Variants in CADPS observed in about 807,000 individuals in gnomAD.
CADPS encodes calcium dependent secretion activator, also known as calcium-dependent secretion activator 1.
In CADPS, 57 loss-of-function variants were observed where a neutral mutation model predicts 167.3. That is an observed-to-expected ratio of 0.34 (90% confidence interval 0.28 to 0.42). The LOEUF (loss-of-function observed/expected upper bound fraction) is 0.42, where lower values mean the gene tolerates loss of function less well. CADPS is among the 20% of genes least tolerant of loss of function. The pLI is 1.00. For synonymous variants in CADPS, 676 were observed against 635.3 expected (o/e 1.06, Z -0.96); for missense variants, 1,414 against 1,738.1 (o/e 0.81, Z 3.32).
intron 3 of CADPS, among the ~76,000 whole-genome samples, chr3:62,731,835 A>AGAAG (rs71287105): frequency 0.53 from 57,966 of 109,000 alleles, 14,979 homozygotes; most frequent in African/African-American, 0.74. Context: ...AAAAAAGTAA[A>AGAAG]GAAGGAAGAA....
chr3:62,740,862 C>T (rs2659466), intron 3 of CADPS, among the ~76,000 whole-genome samples: 3 of 151,936 alleles, frequency 2.0e-5, no homozygotes, highest in Non-Finnish European at 4.4e-5. Flanking sequence ...AAGGTTACAT[C>T]GATAATAAAT....
chr3:62,530,710 T>C (rs927601620), intron 13 of CADPS: 2 of 1,289,158 alleles, frequency 1.6e-6, no homozygotes, highest in African/African-American at 3.0e-5. Context: ...TGGATTCCTT[T>C]TTGGTATCTT....
intron 9 of CADPS, among the ~76,000 whole-genome samples, chr3:62,558,533 G>A (rs2078592578): frequency 6.6e-6 from 1 of 152,236 alleles, no homozygotes; most frequent in Admixed American, 6.5e-5. Flanking sequence ...TTTATTAAAA[G>A]AGACACTTTC....
At chr3:62,482,153 T>C (rs1165560630) in intron 21 of CADPS, among the ~76,000 whole-genome samples, 1 of 152,172 alleles carries the variant, frequency 6.6e-6, no homozygotes, top group African/African-American at 2.4e-5. Context: ...GGTTTCCATA[T>C]CCATTGCCAT....
intron 11 of CADPS, among the ~76,000 whole-genome samples, chr3:62,548,057 G>T (rs1275703657): frequency 1.3e-5 from 2 of 152,118 alleles, no homozygotes; most frequent in Non-Finnish European, 2.9e-5. Context: ...TATCACCTGA[G>T]ATACATGCTT....
chr3:62,427,849 A>G (rs2053074158), intron 28 of CADPS, among the ~76,000 whole-genome samples: 2 of 152,196 alleles, frequency 1.3e-5, no homozygotes, highest in South Asian at 2.1e-4. Context: ...CTTACTTTAC[A>G]TATTATTTGT....
At chr3:62,807,649 G>T (rs1004492791) in intron 1 of CADPS, among the ~76,000 whole-genome samples, 3 of 151,924 alleles carry the variant, frequency 2.0e-5, no homozygotes, top group Non-Finnish European at 2.9e-5. Context: ...TTTCATAGGG[G>T]TGAGCTCATT....
intron 18 of CADPS, among the ~76,000 whole-genome samples, chr3:62,494,106 T>C (rs9827144): frequency 0.14 from 20,972 of 152,184 alleles, 1,698 homozygotes; most frequent in Admixed American, 0.22. Flanking sequence ...CTGAGAAAGT[T>C]GAGATCAAGT....
intron 17 of CADPS, among the ~76,000 whole-genome samples, chr3:62,512,031 T>G: frequency 6.6e-6 from 1 of 152,182 alleles, no homozygotes; most frequent in East Asian, 1.9e-4. Context: ...TCAGGAATGC[T>G]TTCTGAAATG....
chr3:62,601,081 A>G lies in CADPS; in HGVS notation c.1326-8333T>C, dbSNP rs1433893433. ...AAAGCACTAAAAAATGTAAGTCTTCATTTTAGGATTATAGACCAGGGGTTG... is the reference window on the plus strand; with the variant it reads ...AAAGCACTAAAAAATGTAAGTCTTCGTTTTAGGATTATAGACCAGGGGTTG... On this transcript the variant is annotated intron_variant, in intron 6 of 29. Coordinates refer to ENST00000383710, the MANE Select transcript of CADPS (RefSeq NM_003716.4). This position sits in a 1 kb window ranked among gnomAD's most constrained non-coding sequence, Gnocchi z 4.3. Among the ~76,000 whole-genome samples, 1 of 152,210 alleles carries G rather than the reference A, an allele frequency of 6.6e-6. No homozygotes were observed. Among genetic ancestry groups the G allele is most frequent in the Admixed American group, 6.5e-5 (1 of 15,280 alleles).
chr3:62,825,827 C>T (rs566488127), intron 1 of CADPS, among the ~76,000 whole-genome samples: 16 of 152,180 alleles, frequency 1.1e-4, no homozygotes, highest in South Asian at 2.1e-4. Context: ...CCTCTGACTA[C>T]ACCTCCAAGT....
intron 5 of CADPS, among the ~76,000 whole-genome samples, chr3:62,646,331 A>ATT (rs966175782): frequency 1.3e-4 from 19 of 144,472 alleles, no homozygotes; most frequent in African/African-American, 4.8e-4. Flanking sequence ...TGCCCAGCTA[A>ATT]TTTTTTTTTT....
chr3:62,791,860 T>C (rs1298761880), intron 1 of CADPS, among the ~76,000 whole-genome samples: 1 of 152,210 alleles, frequency 6.6e-6, no homozygotes, highest in East Asian at 1.9e-4. Context: ...TTTGTGAAGA[T>C]TAAATTAGAT....
At chr3:62,706,042 T>A (rs1161190793) in intron 3 of CADPS, among the ~76,000 whole-genome samples, 1 of 152,104 alleles carries the variant, frequency 6.6e-6, no homozygotes, top group Non-Finnish European at 1.5e-5. Flanking sequence ...CCTCAAGTAA[T>A]GTTGTCACTA....
intron 17 of CADPS, among the ~76,000 whole-genome samples, chr3:62,507,742 G>A (rs1371180732): frequency 6.6e-6 from 1 of 152,076 alleles, no homozygotes; most frequent in Admixed American, 6.6e-5. Context: ...GGACATTAAA[G>A]TTGAAGAAGC....
At chr3:62,828,952 T>C (rs776650388) in intron 1 of CADPS, among the ~76,000 whole-genome samples, 9 of 152,194 alleles carry the variant, frequency 5.9e-5, no homozygotes, top group South Asian at 4.1e-4. Context: ...ACATTCAGTG[T>C]ACCTTACTCT....
intron 2 of CADPS, among the ~76,000 whole-genome samples, chr3:62,756,338 A>G (rs956160084): frequency 6.6e-6 from 1 of 152,192 alleles, no homozygotes; most frequent in Non-Finnish European, 1.5e-5. Context: ...AAGAGTTGGG[A>G]TTACAGGCGT....
intron 4 of CADPS, among the ~76,000 whole-genome samples, chr3:62,655,690 C>A (rs1320884664): frequency 2.6e-5 from 4 of 152,046 alleles, no homozygotes; most frequent in Admixed American, 2.0e-4. Flanking sequence ...TCCCTAGACC[C>A]CAAAGACTCA....
chr3:62,815,347 C>T lies in CADPS; in HGVS notation c.442-49363G>A, dbSNP rs115031817. Reference sequence around the variant, plus strand: ...GAAGAGGCCAGTCCCCTAGACATCACACAATGATTTCATTTATATAAAGTT... The same window carrying T: ...GAAGAGGCCAGTCCCCTAGACATCATACAATGATTTCATTTATATAAAGTT... On this transcript the variant is annotated intron_variant, in intron 1 of 29. Transcript: ENST00000383710. Among the ~76,000 whole-genome samples, 447 of 151,426 alleles carry T rather than the reference C, an allele frequency of 3.0e-3. 7 individuals are homozygous for T. Among genetic ancestry groups the T allele is most frequent in the Non-Finnish European group, 2.5e-3 (172 of 67,898 alleles).
Sources: gnomAD v4.1 joint callset for allele counts (sites outside exome capture counted in the v4.1 genomes callset) on GRCh38, gnomAD v4.1.1 for gene constraint, Gnocchi (gnomAD v3.1) non-coding constraint, MANE v1.5 for transcripts, NCBI Gene and HGNC (gene_info 2026-07-23, HGNC 2026-07-21) for gene names.